Variants in EPHX2 observed in about 807,000 individuals in gnomAD.
The protein encoded by EPHX2 is bifunctional epoxide hydrolase 2.
EPHX2 carries 74 observed loss-of-function variants against 78.7 expected under a neutral mutation model. That is an observed-to-expected ratio of 0.94 (90% CI 0.78 to 1.14). The LOEUF is 1.14. Among genes scored for constraint, EPHX2 ranks in the 50% most tolerant of loss-of-function variants. The probability of loss-of-function intolerance (pLI) is 0.00; values close to 1 mark genes in which losing one functional copy is unlikely to be tolerated. For missense variants in EPHX2, 715 were observed against 702.5 expected, an observed-to-expected ratio of 1.02 and a Z score of -0.20; for synonymous variants, 251 against 255.2, an observed-to-expected ratio of 0.98 and a Z score of 0.16.
chr8:27,504,938 T>C lies in EPHX2; in HGVS notation c.347-18T>C. On this transcript the variant is annotated intron_variant, in intron 3 of 18. Transcript: ENST00000521400. ...AAAGGTCTGTAGCTGGTCTATCTAC[T>C]GGTGGCTTTTTGCTCAGGATTCACT... 6.2e-7 allele frequency: 1 copy of C among 1,613,214 alleles called. No homozygotes were observed. Among genetic ancestry groups the C allele is most frequent in the Non-Finnish European group, 8.5e-7 (1 of 1,179,932 alleles).
intron 1 of EPHX2, among the ~76,000 whole-genome samples, chr8:27,492,556 G>C (rs1813418205): frequency 2.0e-5 from 3 of 152,156 alleles, no homozygotes; most frequent in Admixed American, 1.3e-4. Flanking sequence ...AGATGGCGCA[G>C]ACCCAAAGAG....
At chr8:27,538,800 C>CTT in intron 14 of EPHX2, 108 bp downstream of exon 14, 1 of 1,322,974 alleles carries the variant, frequency 7.6e-7, no homozygotes, top group Middle Eastern at 1.8e-4. Context: ...CAGCTCTGAA[C>CTT]TTTAAGTTGC....
chr8:27,495,198 A>G (rs1039238143), intron 1 of EPHX2, among the ~76,000 whole-genome samples: 1 of 152,256 alleles, frequency 6.6e-6, no homozygotes, highest in African/African-American at 2.4e-5. Flanking sequence ...AGCATTGGGC[A>G]TGTAGGATTA....
intron 9 of EPHX2, among the ~76,000 whole-genome samples, chr8:27,520,006 CTTTT>C (rs552549981): frequency 7.1e-6 from 1 of 141,234 alleles, no homozygotes. Context: ...CTTTTCTTTT[CTTTT>C]TTTTTTTTTT....
At chr8:27,491,395 C>A in intron 1 of EPHX2, 86 bp downstream of exon 1, 1 of 1,045,334 alleles carries the variant, frequency 9.6e-7, no homozygotes, top group Non-Finnish European at 1.3e-6. Context: ...TTTCAGATTG[C>A]TCCTGTGCCG....
rs72473930 is a variant in EPHX2, at chr8:27,491,270, G to A, written c.62G>A (p.Gly21Asp). ...DGVLALPAVF[G>D]VLGRTEEALA... ...GTGCTGGCGCTGCCAGCGGTGTTCGGCGTCCTCGGCCGCACGGAGGAGGCC... is the reference window on the plus strand; with the variant it reads ...GTGCTGGCGCTGCCAGCGGTGTTCGACGTCCTCGGCCGCACGGAGGAGGCC... The change falls in exon 1 of 19, where the codon GGC becomes GAC. Residue 21 changes from glycine (G) to aspartate (D), a missense_variant. Coordinates refer to ENST00000521400, the MANE Select transcript of EPHX2 (RefSeq NM_001979.6). 6.3e-7 allele frequency: 1 copy of A among 1,579,518 alleles called. No individual in the cohort carries two copies. The highest frequency in any genetic ancestry group is 8.5e-7 in the Non-Finnish European group (1 of 1,172,186).
chr8:27,544,446 C>T lies in EPHX2; in HGVS notation c.1592C>T (p.Pro531Leu). ...DCGHWTQMDK[P>L]TEVNQILIKW... ...TTTTACTTCTCCCTTTCCCCCAGGC[C>T]AACCGAGGTGAATCAGATCCTCATT... The change falls in exon 19 of 19, where the codon CCA (proline) becomes CTA (leucine). Residue 531 changes from proline to leucine, a missense_variant and splice_region_variant. Coordinates refer to ENST00000521400, the MANE Select transcript of EPHX2 (RefSeq NM_001979.6). 6.2e-7 allele frequency: 1 copy of T among 1,614,090 alleles called. No individual in the cohort carries two copies. Among genetic ancestry groups the T allele is most frequent in the Non-Finnish European group, 8.5e-7 (1 of 1,180,032 alleles).
chr8:27,521,867 A>T (rs1017720391), intron 10 of EPHX2, among the ~76,000 whole-genome samples: 1 of 152,144 alleles, frequency 6.6e-6, no homozygotes, highest in South Asian at 2.1e-4. Context: ...TTGTGTGACA[A>T]AACCACCTGA....
At chr8:27,515,425 G>A (rs999041278) in intron 6 of EPHX2, 1 of 384,048 alleles carries the variant, frequency 2.6e-6, no homozygotes, top group Admixed American at 3.8e-5. Flanking sequence ...GAGTATGGGG[G>A]CCTTGTAGAG....
chr8:27,544,247 A>T lies in EPHX2; in HGVS notation c.1589+3A>T. 1 of 1,614,178 alleles carries T rather than the reference A, an allele frequency of 6.2e-7. No homozygotes were observed. The highest frequency in any genetic ancestry group is 1.7e-4 in the Middle Eastern group (1 of 6,060). ...GGGCACTGGACACAGATGGACAAGT[A>T]AGGAGGTTGGGGGCTCCTGGGGTCG... On this transcript the variant is annotated splice_donor_region_variant and intron_variant, in intron 18 of 18. Coordinates refer to ENST00000521400, the MANE Select transcript of EPHX2 (RefSeq NM_001979.6).
At chr8:27,499,074 G>A (rs1813673761) in intron 1 of EPHX2, among the ~76,000 whole-genome samples, 1 of 152,110 alleles carries the variant, frequency 6.6e-6, no homozygotes, top group Admixed American at 6.5e-5. Flanking sequence ...TGGTGAGGGG[G>A]CTCAGTGTGC....
At chr8:27,498,572 T>A (rs1813656985) in intron 1 of EPHX2, among the ~76,000 whole-genome samples, 1 of 152,180 alleles carries the variant, frequency 6.6e-6, no homozygotes, top group Non-Finnish European at 1.5e-5. Flanking sequence ...CCTAGTGTCT[T>A]GTAGTTATTT....
chr8:27,498,566 G>A (rs1813656685), intron 1 of EPHX2, among the ~76,000 whole-genome samples: 3 of 152,054 alleles, frequency 2.0e-5, no homozygotes, highest in African/African-American at 7.2e-5. Context: ...CACTCACCTA[G>A]TGTCTTGTAG....
intron 6 of EPHX2, among the ~76,000 whole-genome samples, chr8:27,512,615 C>A (rs1814293876): frequency 6.6e-6 from 1 of 152,202 alleles, no homozygotes; most frequent in Admixed American, 6.5e-5. Flanking sequence ...TTTAGTACGT[C>A]CTCATGGATT....
intron 13 of EPHX2, among the ~76,000 whole-genome samples, chr8:27,538,251 G>T (rs771398423): frequency 1.3e-5 from 2 of 152,094 alleles, no homozygotes; most frequent in Admixed American, 6.5e-5. Context: ...TTCACTGAGG[G>T]TATAGCATGT....
chr8:27,534,448 C>G (rs1409042152), intron 12 of EPHX2, among the ~76,000 whole-genome samples: 1 of 152,082 alleles, frequency 6.6e-6, no homozygotes, highest in African/African-American at 2.4e-5. Flanking sequence ...GTCAGAAGCT[C>G]GAGACTAGCC....
At chr8:27,507,531 C>T (rs1043764684) in intron 5 of EPHX2, among the ~76,000 whole-genome samples, 4 of 152,178 alleles carry the variant, frequency 2.6e-5, no homozygotes, top group Non-Finnish European at 5.9e-5. Context: ...GACCTGAGAT[C>T]GCTGATCTCA....
chr8:27,530,314 C>T (rs1277445477), intron 12 of EPHX2, among the ~76,000 whole-genome samples: 1 of 152,158 alleles, frequency 6.6e-6, no homozygotes, highest in Non-Finnish European at 1.5e-5. Flanking sequence ...AGTAATTCAT[C>T]CTTGCTATTT....
intron 13 of EPHX2, among the ~76,000 whole-genome samples, chr8:27,537,513 G>A (rs1019626078): frequency 6.6e-6 from 1 of 152,100 alleles, no homozygotes; most frequent in Non-Finnish European, 1.5e-5. Flanking sequence ...TCAGCCTCGG[G>A]TCTAACCTCC....
Sources: allele counts gnomAD v4.1 joint callset (sites outside exome capture counted in the v4.1 genomes callset), GRCh38; gene constraint gnomAD v4.1.1; transcripts MANE v1.5; gene names NCBI Gene and HGNC (gene_info 2026-07-23, HGNC 2026-07-21).